The following PRTFDC1 variants were observed in gnomAD, a reference collection of about 807,000 sequenced individuals.
PRTFDC1 encodes phosphoribosyl transferase domain containing 1.
Under a neutral mutation model 34.6 loss-of-function variants are expected in PRTFDC1, and 38 were observed. The observed-to-expected ratio is 1.10, with a 90% CI of 0.85 to 1.44. The LOEUF (loss-of-function observed/expected upper bound fraction) is 1.44, where lower values mean the gene tolerates loss of function less well. PRTFDC1 is among the 40% of genes most tolerant of loss of function. PRTFDC1 has a pLI of 0.00. For synonymous variants in PRTFDC1, 93 were observed against 98.1 expected, an observed-to-expected ratio of 0.95 and a Z score of 0.31; for missense variants, 270 against 283.0, an observed-to-expected ratio of 0.95 and a Z score of 0.33.
intron 3 of PRTFDC1, among the ~76,000 whole-genome samples, chr10:24,923,401 C>G (rs752570921): frequency 6.6e-6 from 1 of 152,148 alleles, no homozygotes; most frequent in African/African-American, 2.4e-5. Context: ...CAAAAGGGGC[C>G]GACAGACACC....
Position 24,937,328 on chromosome 10 carries a change from T to G in PRTFDC1, c.195A>C (p.Gly65=). ...CACACAGGACCATGATGTCACTATA[T>G]CCTATGTCTTTCATAATATCCTTGG... is the stretch of plus-strand genomic sequence containing the variant. ...RLAKDIMKDI[G]YSDIMVLCVL... Residue 65 remains glycine, a synonymous_variant, in exon 3 of 9, where the codon GGA becomes GGC. Transcript: ENST00000320152. The G allele has an allele frequency of 6.2e-7, 1 of 1,612,588 alleles. No individual in the cohort carries two copies. Among genetic ancestry groups the G allele is most frequent in the Non-Finnish European group, 8.5e-7 (1 of 1,179,694 alleles).
At chr10:24,908,623 C>A in intron 3 of PRTFDC1, 1 of 1,612,480 alleles carries the variant, frequency 6.2e-7, no homozygotes, top group Non-Finnish European at 8.5e-7. Context: ...TACTCATATA[C>A]CCTTGACTGA....
At chr10:24,851,326 A>G in intron 8 of PRTFDC1, 62 bp downstream of exon 8, 1 of 1,575,216 alleles carries the variant, frequency 6.3e-7, no homozygotes, top group Non-Finnish European at 8.6e-7. Flanking sequence ...CGCATTCAAT[A>G]CTTTTTTAAA....
chr10:24,852,134 A>G (rs1000491342), intron 7 of PRTFDC1, among the ~76,000 whole-genome samples: 2 of 152,160 alleles, frequency 1.3e-5, no homozygotes, highest in Non-Finnish European at 2.9e-5. Context: ...GGTACTTATG[A>G]AAAGCAAAAG....
At chr10:24,918,644 G>A (rs1464506322) in intron 3 of PRTFDC1, among the ~76,000 whole-genome samples, 1 of 151,948 alleles carries the variant, frequency 6.6e-6, no homozygotes, top group Non-Finnish European at 1.5e-5. Context: ...TGAATTCCTG[G>A]GCTCAAGCAA....
At chr10:24,897,921 A>G (rs1316187070) in intron 3 of PRTFDC1, among the ~76,000 whole-genome samples, 1 of 152,180 alleles carries the variant, frequency 6.6e-6, no homozygotes. Context: ...ATGAATAAGG[A>G]TGTTTATCAC....
At chr10:24,902,989 G>A (rs529395580) in intron 3 of PRTFDC1, among the ~76,000 whole-genome samples, 4 of 152,326 alleles carry the variant, frequency 2.6e-5, no homozygotes, top group Admixed American at 1.3e-4. Flanking sequence ...CTGAGGTCAC[G>A]AGTTCGAGAC....
intron 8 of PRTFDC1, among the ~76,000 whole-genome samples, chr10:24,850,593 C>T (rs1299907992): frequency 6.6e-6 from 1 of 152,208 alleles, no homozygotes; most frequent in Non-Finnish European, 1.5e-5. Flanking sequence ...GATTGCGTCA[C>T]TGCACTCTAG....
intron 3 of PRTFDC1, among the ~76,000 whole-genome samples, chr10:24,889,829 T>A (rs1197477216): frequency 6.6e-6 from 1 of 152,230 alleles, no homozygotes; most frequent in Non-Finnish European, 1.5e-5. Flanking sequence ...AAGTCATGTC[T>A]TCAAAACTGG....
intron 8 of PRTFDC1, 102 bp downstream of exon 8, chr10:24,851,286 A>T: frequency 6.8e-7 from 1 of 1,470,438 alleles, no homozygotes; most frequent in Non-Finnish European, 9.0e-7. Context: ...GACATAGAAG[A>T]TACTCAATCA....
intron 2 of PRTFDC1, among the ~76,000 whole-genome samples, chr10:24,940,207 T>C (rs921860919): frequency 2.6e-5 from 4 of 152,182 alleles, no homozygotes; most frequent in African/African-American, 2.4e-5. Flanking sequence ...CTGGATCTAA[T>C]TAACACATAT....
intron 3 of PRTFDC1, among the ~76,000 whole-genome samples, chr10:24,919,127 T>A (rs1848742436): frequency 6.6e-6 from 1 of 152,210 alleles, no homozygotes; most frequent in Non-Finnish European, 1.5e-5. Flanking sequence ...TATATTATTA[T>A]TAGTTTAAGT....
chr10:24,932,084 C>A, intron 3 of PRTFDC1, among the ~76,000 whole-genome samples: 1 of 151,758 alleles, frequency 6.6e-6, no homozygotes, highest in South Asian at 2.1e-4. Flanking sequence ...TGTATTTTAC[C>A]ATATCAACAT....
chr10:24,911,543 T>A (rs184254998), intron 3 of PRTFDC1, among the ~76,000 whole-genome samples: 60 of 152,336 alleles, frequency 3.9e-4, no homozygotes, highest in Admixed American at 1.4e-3. Flanking sequence ...AAAGTTGCTA[T>A]GAATATTTGC....
At chr10:24,860,899 T>A (rs1205835037) in intron 4 of PRTFDC1, among the ~76,000 whole-genome samples, 1 of 152,382 alleles carries the variant, frequency 6.6e-6, no homozygotes, top group Admixed American at 6.5e-5. Context: ...TTGTGGTTAA[T>A]TTAATTTTCT....
intron 7 of PRTFDC1, among the ~76,000 whole-genome samples, chr10:24,854,510 T>C (rs778030369): frequency 6.6e-6 from 1 of 152,108 alleles, no homozygotes; most frequent in Non-Finnish European, 1.5e-5. Flanking sequence ...AGCCAAATTA[T>C]CCCAGGAGCT....
intron 3 of PRTFDC1, among the ~76,000 whole-genome samples, chr10:24,881,038 T>G (rs1452884594): frequency 7.5e-6 from 1 of 133,398 alleles, no homozygotes; most frequent in East Asian, 2.0e-4. Context: ...TCTATCTCTT[T>G]CTTTCTTTCT....
intron 2 of PRTFDC1, among the ~76,000 whole-genome samples, chr10:24,938,079 A>G (rs1234801615): frequency 6.6e-6 from 1 of 151,242 alleles, no homozygotes; most frequent in Non-Finnish European, 1.5e-5. Context: ...TACAAAAATT[A>G]GCCGGGCATG....
At chr10:24,929,789 T>C (rs1848942880) in intron 3 of PRTFDC1, among the ~76,000 whole-genome samples, 1 of 152,186 alleles carries the variant, frequency 6.6e-6, no homozygotes, top group South Asian at 2.1e-4. Flanking sequence ...AAAAGCTGTC[T>C]AAAAAGTCAC....
Sources: allele counts gnomAD v4.1 joint callset (sites outside exome capture counted in the v4.1 genomes callset), GRCh38; gene constraint gnomAD v4.1.1; transcripts MANE v1.5; gene names NCBI Gene and HGNC (gene_info 2026-07-23, HGNC 2026-07-21).